The following EXOC4 variants were observed in gnomAD, a reference collection of about 807,000 sequenced individuals.
EXOC4 encodes the protein SEC8-like 1.
In EXOC4, 71 loss-of-function variants were observed where a neutral mutation model predicts 107.2. That is an observed-to-expected ratio of 0.66 (90% CI 0.55 to 0.81). The LOEUF is 0.81. EXOC4 is among the 30% of genes least tolerant of loss of function. The pLI is 0.00. For missense variants in EXOC4, 1,108 were observed against 1,189.6 expected, an observed-to-expected ratio of 0.93 and a Z score of 1.01; for synonymous variants, 456 against 441.2, an observed-to-expected ratio of 1.03 and a Z score of -0.42.
In EXOC4 at chr7:133,568,325, C is replaced by T. The variant is rs528409787; in HGVS notation, c.1418-61720C>T. On this transcript the variant is annotated intron_variant, in intron 9 of 17. Coordinates refer to ENST00000253861, the MANE Select transcript of EXOC4 (RefSeq NM_021807.4). Reference sequence around the variant, plus strand: ...CCATTTATACTTTGGCTTTCCTTAGCATAATTTTTGCCATGCAGAAATATT... The same window carrying T: ...CCATTTATACTTTGGCTTTCCTTAGTATAATTTTTGCCATGCAGAAATATT... Among the ~76,000 whole-genome samples, 28 of 151,768 alleles carry T rather than the reference C, an allele frequency of 1.8e-4. No homozygotes were observed. The South Asian group carries it at 2.1e-3, about 11-fold the overall frequency.
At chr7:133,253,638 C>T (rs1344557839) in intron 1 of EXOC4, 2 of 446,658 alleles carry the variant, frequency 4.5e-6, no homozygotes, top group Admixed American at 6.3e-5. Context: ...TGTGTTTTCA[C>T]ACTCTGGATA....
chr7:133,370,382 C>A (rs1199908572), intron 6 of EXOC4, among the ~76,000 whole-genome samples: 1 of 152,018 alleles, frequency 6.6e-6, no homozygotes, highest in East Asian at 1.9e-4. Flanking sequence ...ACATTGGTTT[C>A]GTCCGGAAAG....
intron 10 of EXOC4, among the ~76,000 whole-genome samples, chr7:133,737,568 G>A (rs556547833): frequency 1.1e-4 from 16 of 152,024 alleles, no homozygotes; most frequent in African/African-American, 2.7e-4. Flanking sequence ...GTAGCTTACC[G>A]TTTCTAGTTG....
At chr7:133,612,551 G>A (rs1404905046) in intron 9 of EXOC4, among the ~76,000 whole-genome samples, 3 of 152,266 alleles carry the variant, frequency 2.0e-5, no homozygotes, top group East Asian at 1.9e-4. Context: ...CAAATGAGAT[G>A]TGAAGCCTTT....
At chr7:133,523,564 G>C (rs1423325646) in intron 9 of EXOC4, among the ~76,000 whole-genome samples, 2 of 151,722 alleles carry the variant, frequency 1.3e-5, no homozygotes, top group Non-Finnish European at 2.9e-5. Flanking sequence ...CTAGCATTAG[G>C]TATATCTCCC....
chr7:133,486,349 A>G (rs1799269543), intron 9 of EXOC4, among the ~76,000 whole-genome samples: 1 of 152,198 alleles, frequency 6.6e-6, no homozygotes, highest in Admixed American at 6.5e-5. Context: ...GATTTATAAT[A>G]GGAGTCTCTT....
intron 7 of EXOC4, among the ~76,000 whole-genome samples, chr7:133,385,151 G>T (rs763035324): frequency 1.3e-5 from 2 of 152,180 alleles, no homozygotes; most frequent in Admixed American, 1.3e-4. Flanking sequence ...AAGGGTGAAG[G>T]CTGCAGGTCT....
intron 10 of EXOC4, among the ~76,000 whole-genome samples, chr7:133,671,082 C>T (rs145174271): frequency 1.3e-5 from 2 of 152,064 alleles, no homozygotes; most frequent in Admixed American, 1.3e-4. Context: ...GCCCTGAGAC[C>T]CGTATACCTG....
intron 10 of EXOC4, among the ~76,000 whole-genome samples, chr7:133,792,841 A>G (rs1228467324): frequency 6.6e-6 from 1 of 152,208 alleles, no homozygotes; most frequent in Admixed American, 6.5e-5. Context: ...ATCGTTCTTC[A>G]AGAAAAGGTA....
intron 17 of EXOC4, among the ~76,000 whole-genome samples, chr7:134,035,032 T>C (rs1795356256): frequency 6.7e-6 from 1 of 150,194 alleles, no homozygotes; most frequent in Non-Finnish European, 1.5e-5. Flanking sequence ...TTTTTTTCTT[T>C]TTTCTTTTCT....
intron 11 of EXOC4, among the ~76,000 whole-genome samples, chr7:133,826,309 A>T (rs542671445): frequency 6.6e-6 from 1 of 152,230 alleles, no homozygotes; most frequent in Admixed American, 6.5e-5. Flanking sequence ...AGTACATTTT[A>T]ATTTTGTAGT....
chr7:133,804,521 A>G (rs144380949), intron 10 of EXOC4, among the ~76,000 whole-genome samples: 1 of 152,188 alleles, frequency 6.6e-6, no homozygotes, highest in African/African-American at 2.4e-5. Context: ...TGAGTTTTCC[A>G]AAGTATTCAT....
chr7:133,906,343 A>C (rs1467359414), intron 12 of EXOC4, among the ~76,000 whole-genome samples: 1 of 152,192 alleles, frequency 6.6e-6, no homozygotes, highest in Non-Finnish European at 1.5e-5. Context: ...TTTCTTGGCC[A>C]ACTAAGAATC....
intron 17 of EXOC4, among the ~76,000 whole-genome samples, chr7:134,036,206 G>A (rs974467791): frequency 1.2e-4 from 18 of 152,092 alleles, no homozygotes; most frequent in Non-Finnish European, 7.3e-5. Flanking sequence ...AAAAGGCCAC[G>A]GTGACTTTCT....
intron 1 of EXOC4, among the ~76,000 whole-genome samples, chr7:133,261,551 T>C (rs188500219): frequency 6.6e-6 from 1 of 152,210 alleles, no homozygotes; most frequent in East Asian, 1.9e-4. Context: ...TTGTAGTTTT[T>C]GAGTTGATGC....
At chr7:133,442,687 G>C (rs1798130848) in intron 7 of EXOC4, among the ~76,000 whole-genome samples, 2 of 152,132 alleles carry the variant, frequency 1.3e-5, no homozygotes, top group Admixed American at 1.3e-4. Flanking sequence ...GATTAATAAA[G>C]TGAGTTATGG....
At chr7:133,955,985 A>G (rs1200873456) in intron 14 of EXOC4, among the ~76,000 whole-genome samples, 1 of 152,212 alleles carries the variant, frequency 6.6e-6, no homozygotes, top group Non-Finnish European at 1.5e-5. Flanking sequence ...AGAGATGCCC[A>G]GGTCCACAGC....
chr7:133,317,520 A>C (rs186086928), intron 5 of EXOC4, 130 bp downstream of exon 5: 2 of 637,288 alleles, frequency 3.1e-6, no homozygotes, highest in Admixed American at 5.4e-5. Context: ...GGTGTGTTGG[A>C]ACCTGTGATG....
chr7:133,339,438 A>G (rs1795607770), intron 5 of EXOC4, among the ~76,000 whole-genome samples: 1 of 152,126 alleles, frequency 6.6e-6, no homozygotes, highest in African/African-American at 2.4e-5. Flanking sequence ...AAATCAGGTA[A>G]TGTAATGCCT....
Sources: gnomAD v4.1 joint callset for allele counts (sites outside exome capture counted in the v4.1 genomes callset) on GRCh38, gnomAD v4.1.1 for gene constraint, MANE v1.5 for transcripts, NCBI Gene and HGNC (gene_info 2026-07-23, HGNC 2026-07-21) for gene names.